Variants in CENPK observed in about 807,000 individuals in gnomAD.
CENPK encodes SoxLZ/Sox6-binding protein Solt.
In CENPK, 46 loss-of-function variants were observed where a neutral mutation model predicts 40.9. That is an observed-to-expected ratio of 1.13 (90% CI 0.89 to 1.44). The LOEUF is 1.44. Among genes scored for constraint, CENPK ranks in the 40% most tolerant of loss-of-function variants. CENPK has a pLI of 0.00. For synonymous variants in CENPK, 107 were observed against 104.4 expected, an observed-to-expected ratio of 1.02 and a Z score of -0.15; for missense variants, 288 against 303.5, an observed-to-expected ratio of 0.95 and a Z score of 0.38.
intron 5 of CENPK, chr5:65,550,612 A>T (rs944976539): frequency 6.6e-6 from 1 of 152,252 alleles, no homozygotes; most frequent in South Asian, 2.1e-4. Flanking sequence ...AAAAGTCTAA[A>T]ATACTGTGAG....
rs746284263 is a variant in CENPK at position 65,518,501 on chromosome 5, T to G, written c.784A>C (p.Ile262Leu). The G allele has an allele frequency of 3.1e-6, 5 of 1,612,306 alleles. No individual in the cohort carries two copies. Among genetic ancestry groups the G allele is most frequent in the Non-Finnish European group, 3.4e-6 (4 of 1,179,564 alleles). The change falls in exon 11 of 11, where the codon ATA (isoleucine) becomes CTA (leucine). Residue 262 changes from isoleucine (I) to leucine (L), a missense_variant. By Grantham distance (5) the Ile-to-Leu change is conservative. Coordinates refer to ENST00000396679, the MANE Select transcript of CENPK (RefSeq NM_022145.5). ...ALRHPEDPTR[I>L]RLEAFHQ Reference sequence around the variant, plus strand: ...TACTGATGGAAAGCTTCTAATCTTATTCGGGTTGGATCTTCTGGATGTCTC... The same window carrying G: ...TACTGATGGAAAGCTTCTAATCTTAGTCGGGTTGGATCTTCTGGATGTCTC...
At chr5:65,521,325 C>G in intron 10 of CENPK, 150 bp downstream of exon 10, 1 of 616,614 alleles carries the variant, frequency 1.6e-6, no homozygotes, top group South Asian at 2.0e-5. Context: ...TAATTTTATA[C>G]CAAAGATATA....
chr5:65,495,690 T>C, the CENPK span, among the ~76,000 whole-genome samples: 1 of 152,298 alleles, frequency 6.6e-6, no homozygotes, highest in Middle Eastern at 3.4e-3. Context: ...TTGCATTAGG[T>C]GTCTATTCAG....
chr5:65,534,060 A>AAAG (rs1746420155), intron 6 of CENPK, among the ~76,000 whole-genome samples: 1 of 151,112 alleles, frequency 6.6e-6, no homozygotes, highest in African/African-American at 2.4e-5. Context: ...CAAAAAAAAA[A>AAAG]AAAAAAAAAG....
At position 65,528,926 on chromosome 5, in the gene CENPK, C is replaced by T. The variant is rs1452590609; in HGVS notation, c.463G>A (p.Glu155Lys). The T allele has an allele frequency of 6.5e-7, 1 of 1,529,092 alleles. No homozygotes were observed. Among genetic ancestry groups the T allele is most frequent in the Non-Finnish European group, 9.0e-7 (1 of 1,116,814 alleles). 94.7% of individuals were successfully genotyped at this position (1,529,092 alleles called of 1,614,324 possible). The stretch of plus-strand genomic sequence containing the variant: ...AGAACATAAAATTAATACCTTGATT[C>T]AGAAAATGTTTCAACCTTATTTTTC... ...ELKNKVETFS[E>K]SRIFNELKTK... The change falls in exon 8 of 11, where the codon GAA becomes AAA. Residue 155 changes from glutamate (E) to lysine (K), a missense_variant. Glu to Lys is a moderately conservative substitution (Grantham distance 56). Coordinates refer to ENST00000396679, the MANE Select transcript of CENPK (RefSeq NM_022145.5).
the CENPK span, among the ~76,000 whole-genome samples, chr5:65,505,372 C>T: frequency 3.9e-5 from 6 of 152,276 alleles, no homozygotes; most frequent in Non-Finnish European, 7.3e-5. Flanking sequence ...GTGGCTTATG[C>T]CTGTAATCCT....
intron 5 of CENPK, among the ~76,000 whole-genome samples, chr5:65,548,718 C>G (rs1186587276): frequency 6.6e-6 from 1 of 152,130 alleles, no homozygotes; most frequent in Admixed American, 6.5e-5. Context: ...TCTCAAGAAA[C>G]CACTTTTTTG....
At chr5:65,562,554 G>A (rs982360103) in intron 1 of CENPK, among the ~76,000 whole-genome samples, 3 of 152,154 alleles carry the variant, frequency 2.0e-5, no homozygotes, top group Non-Finnish European at 4.4e-5. Context: ...AGGTCATTTT[G>A]ACAAGCTGTA....
the CENPK span, among the ~76,000 whole-genome samples, chr5:65,510,681 CAGG>C: frequency 4.0e-5 from 6 of 151,106 alleles, no homozygotes; most frequent in African/African-American, 1.5e-4. Flanking sequence ...GAGGCTGAGG[CAGG>C]AGAATTGCTT....
intron 10 of CENPK, among the ~76,000 whole-genome samples, chr5:65,519,683 C>T (rs1216429082): frequency 6.6e-6 from 1 of 152,140 alleles, no homozygotes; most frequent in African/African-American, 2.4e-5. Flanking sequence ...GCTCTAATCT[C>T]AATTAAATTT....
At chr5:65,547,841 T>C (rs1749293622) in intron 5 of CENPK, among the ~76,000 whole-genome samples, 1 of 152,104 alleles carries the variant, frequency 6.6e-6, no homozygotes, top group Admixed American at 6.5e-5. Context: ...ATTTTTTATA[T>C]TTTTAGTAGA....
At chr5:65,534,050 C>CAAAAA (rs60018569) in intron 6 of CENPK, among the ~76,000 whole-genome samples, 190 of 90,950 alleles carry the variant, frequency 2.1e-3, no homozygotes, top group East Asian at 6.9e-3. Flanking sequence ...ACCGTCTCAA[C>CAAAAA]AAAAAAAAAA....
chr5:65,523,373 C>T (rs1744119430), intron 9 of CENPK, among the ~76,000 whole-genome samples: 1 of 152,160 alleles, frequency 6.6e-6, no homozygotes, highest in Admixed American at 6.5e-5. Flanking sequence ...TATAAAGTTG[C>T]CTACTACGGT....
the CENPK span, among the ~76,000 whole-genome samples, chr5:65,505,177 G>C: frequency 6.6e-6 from 1 of 151,872 alleles, no homozygotes; most frequent in African/African-American, 2.4e-5. Flanking sequence ...CCTTATTCTT[G>C]AGTAATACTT....
intron 2 of CENPK, among the ~76,000 whole-genome samples, chr5:65,556,732 T>A (rs1357147780): frequency 1.3e-5 from 2 of 152,232 alleles, no homozygotes; most frequent in African/African-American, 4.8e-5. Flanking sequence ...CACAACTCAC[T>A]GACTCATCTA....
intron 6 of CENPK, among the ~76,000 whole-genome samples, chr5:65,536,511 C>G (rs1296942050): frequency 6.6e-6 from 1 of 152,074 alleles, no homozygotes; most frequent in Non-Finnish European, 1.5e-5. Flanking sequence ...ACCTGTACTC[C>G]TAGCTACTTG....
chr5:65,535,608 C>T (rs1005674540), intron 6 of CENPK, among the ~76,000 whole-genome samples: 2 of 152,218 alleles, frequency 1.3e-5, no homozygotes, highest in East Asian at 1.9e-4. Context: ...CAACTCGCCA[C>T]GTCACACATA....
chr5:65,544,944 A>C (rs1048017157), intron 5 of CENPK, among the ~76,000 whole-genome samples: 2 of 152,202 alleles, frequency 1.3e-5, no homozygotes, highest in African/African-American at 4.8e-5. Context: ...TTCTGAAGAT[A>C]CACTGCATAA....
At chr5:65,507,835 T>C in the CENPK span, among the ~76,000 whole-genome samples, 1 of 152,242 alleles carries the variant, frequency 6.6e-6, no homozygotes, top group Non-Finnish European at 1.5e-5. Flanking sequence ...TAATTCTTTT[T>C]AGTCTCCTCC....
Sources: gnomAD v4.1 joint callset for allele counts (sites outside exome capture counted in the v4.1 genomes callset) on GRCh38, gnomAD v4.1.1 for gene constraint, MANE v1.5 for transcripts, NCBI Gene and HGNC (gene_info 2026-07-23, HGNC 2026-07-21) for gene names.